The following HHIPL1 variants were observed in gnomAD, a reference collection of about 807,000 sequenced individuals.
The protein encoded by HHIPL1 is HHIP-like protein 1.
In HHIPL1, 43 loss-of-function variants were observed where a neutral mutation model predicts 61.8. That is an observed-to-expected ratio of 0.70 (90% CI 0.55 to 0.90). The LOEUF is 0.90. HHIPL1 is among the 40% of genes least tolerant of loss of function. The pLI is 0.00. For missense variants in HHIPL1, 1,056 were observed against 1,157.7 expected (o/e 0.91, Z 1.28); for synonymous variants, 482 against 515.8 (o/e 0.93, Z 0.89).
At chr14:99,667,163 T>C (rs1466947730) in intron 6 of HHIPL1, among the ~76,000 whole-genome samples, 1 of 152,102 alleles carries the variant, frequency 6.6e-6, no homozygotes, top group African/African-American at 2.4e-5. Context: ...GGCTGAACCC[T>C]CAGGATGAGC....
chr14:99,648,284 T>C (rs2055873137), intron 1 of HHIPL1, among the ~76,000 whole-genome samples: 1 of 152,174 alleles, frequency 6.6e-6, no homozygotes, highest in Admixed American at 6.5e-5. Flanking sequence ...AACACATACA[T>C]CTTCTCCATT....
the HHIPL1 span, among the ~76,000 whole-genome samples, chr14:99,633,975 G>A: frequency 3.9e-5 from 6 of 152,238 alleles, no homozygotes; most frequent in Non-Finnish European, 7.3e-5. Flanking sequence ...ATGCAGGGCT[G>A]TAGCCCAGGG....
At chr14:99,656,782 A>AAAGAAAGAAAG (rs2056035853) in intron 2 of HHIPL1, among the ~76,000 whole-genome samples, 1 of 476 alleles carries the variant, frequency 2.1e-3, no homozygotes, top group East Asian at 0.25. Flanking sequence ...CTGCAAAAAG[A>AAAGAAAGAAAG]AAAGAAAAGA....
In HHIPL1 at chr14:99,663,014, C is replaced by A. The variant is rs149752348; in HGVS notation, c.1641C>A (p.Asp547Glu). 6.2e-7 allele frequency: 1 copy of A among 1,605,426 alleles called. No individual in the cohort carries two copies. The highest frequency in any genetic ancestry group is 1.1e-5 in the South Asian group (1 of 88,830). The change falls in exon 6 of 9, where the codon GAC (aspartate) becomes GAA (glutamate). Residue 547 changes from aspartate (D) to glutamate (E), a missense_variant. Physicochemically the swap from Asp to Glu is conservative, Grantham distance 45. Transcript: ENST00000330710. ...YYPYIISFGE[D>E]EAGELYFMST... is the part of the protein sequence containing the mutation. Reference sequence around the variant, plus strand: ...CGTACATCATCTCCTTCGGGGAGGACGAGGCCGGTGAGCACTCCTGAGACC... The same window carrying A: ...CGTACATCATCTCCTTCGGGGAGGAAGAGGCCGGTGAGCACTCCTGAGACC...
At position 99,668,346 on chromosome 14, in the gene HHIPL1, A is replaced by T; in HGVS notation, c.1730+43A>T. The T allele has an allele frequency of 8.4e-7, 1 of 1,191,512 alleles. No individual in the cohort carries two copies. Among genetic ancestry groups the T allele is most frequent in the Non-Finnish European group, 1.3e-6 (1 of 795,180 alleles). 73.8% of individuals were successfully genotyped at this position (1,191,512 alleles called of 1,614,324 possible). ...GGACAGGGAGCTCCTGCTGTCTGTC[A>T]GGCCTCTTAGCTCCACGGGCTTGTC... is the stretch of plus-strand genomic sequence containing the variant. On this transcript the variant is annotated intron_variant, in intron 7 of 8. Transcript: ENST00000330710. The surrounding 1 kb of genome is among the most constrained non-coding windows in gnomAD (Gnocchi z 4.7).
intron 7 of HHIPL1, chr14:99,669,205 C>T: frequency 8.1e-7 from 1 of 1,230,772 alleles, no homozygotes; most frequent in Non-Finnish European, 1.0e-6. Context: ...GCAGAGGCCG[C>T]CCAGGTGCTG....
rs1490827018 is a variant in HHIPL1, at chr14:99,675,312, G to A, written c.2035G>A (p.Ala679Thr). 1 of 1,351,534 alleles carries A rather than the reference G, an allele frequency of 7.4e-7. No homozygotes were observed. 83.7% of individuals were successfully genotyped at this position (1,351,534 alleles called of 1,614,324 possible). ...TGGCGAGGTGCGCCTGGTGCGGCCC[G>A]CGGGCCTGAGCTCTGGCAGCGGGCG... ...RDGEVRLVRP[A>T]GLSSGSGRVE... Residue 679 changes from alanine (A) to threonine (T), a missense_variant, in exon 9 of 9, where the codon GCG becomes ACG. Ala to Thr is a moderately conservative substitution (Grantham distance 58, BLOSUM62 0). Transcript: ENST00000330710. The surrounding 1 kb of genome is among the most constrained non-coding windows in gnomAD (Gnocchi z 5.4).
chr14:99,646,541 A>G (rs1410864266), intron 1 of HHIPL1, among the ~76,000 whole-genome samples: 2 of 152,148 alleles, frequency 1.3e-5, no homozygotes, highest in African/African-American at 4.8e-5. Flanking sequence ...TTGGGAGGCC[A>G]AGGTGGGCAG....
the HHIPL1 span, among the ~76,000 whole-genome samples, chr14:99,631,858 C>T: frequency 6.6e-6 from 1 of 152,226 alleles, no homozygotes; most frequent in Non-Finnish European, 1.5e-5. Context: ...TGGGCCTTGA[C>T]TGTCCTACTG....
At chr14:99,604,893 C>T in the HHIPL1 span, among the ~76,000 whole-genome samples, 1 of 152,152 alleles carries the variant, frequency 6.6e-6, no homozygotes, top group Non-Finnish European at 1.5e-5. Flanking sequence ...CTTCCCTGCC[C>T]CCAGGCTCCT....
the HHIPL1 span, among the ~76,000 whole-genome samples, chr14:99,611,056 G>C: frequency 1.3e-5 from 2 of 152,142 alleles, no homozygotes; most frequent in Non-Finnish European, 2.9e-5. Context: ...AATTGCCCTT[G>C]GCTAAGAACT....
intron 1 of HHIPL1, 36 bp downstream of exon 1, chr14:99,645,498 GC>G (rs2055817855): frequency 7.9e-7 from 1 of 1,259,556 alleles, no homozygotes. Context: ...GGGGCGGGGC[GC>G]GGGAGGCCGA....
intron 5 of HHIPL1, among the ~76,000 whole-genome samples, chr14:99,662,042 T>C (rs975530427): frequency 1.6e-4 from 24 of 152,158 alleles, no homozygotes; most frequent in African/African-American, 4.3e-4. Context: ...CCTTTCTCCC[T>C]TCTGTCCTTC....
Position 99,660,129 on chromosome 14 carries a change from GCCA to G in HHIPL1, c.1376-150_1376-148del. On this transcript the variant is annotated intron_variant, in intron 4 of 8. Coordinates refer to ENST00000330710, the MANE Select transcript of HHIPL1 (RefSeq NM_001127258.3). The surrounding 1 kb of genome is among the most constrained non-coding windows in gnomAD (Gnocchi z 4.9). ...CCCCTGCAGACACGCTTTCCACCAC[GCCA>G]GCCCTGCTGTGGGCACGCCAGCCCT... 1.5e-6 allele frequency: 1 copy of G among 671,334 alleles called. No homozygotes were observed. 41.6% of individuals were successfully genotyped at this position (671,334 alleles called of 1,614,324 possible).
At chr14:99,605,796 A>T in the HHIPL1 span, among the ~76,000 whole-genome samples, 1 of 152,168 alleles carries the variant, frequency 6.6e-6, no homozygotes, top group South Asian at 2.1e-4. Context: ...TACAAAGATA[A>T]GGGGAAGGGC....
At chr14:99,628,365 A>C in the HHIPL1 span, among the ~76,000 whole-genome samples, 1 of 152,148 alleles carries the variant, frequency 6.6e-6, no homozygotes, top group South Asian at 2.1e-4. Context: ...GAATCACCTG[A>C]GGTCAGGAGT....
intron 2 of HHIPL1, among the ~76,000 whole-genome samples, chr14:99,655,151 A>C (rs372098923): frequency 1.3e-5 from 2 of 152,286 alleles, no homozygotes; most frequent in East Asian, 3.9e-4. Flanking sequence ...TGGATGACCG[A>C]AAGTCTGAGC....
At chr14:99,623,178 C>T in the HHIPL1 span, among the ~76,000 whole-genome samples, 4 of 152,186 alleles carry the variant, frequency 2.6e-5, no homozygotes, top group African/African-American at 9.7e-5. Flanking sequence ...CCTGCCAGCT[C>T]GGGCTTTTAT....
the HHIPL1 span, among the ~76,000 whole-genome samples, chr14:99,616,197 G>C: frequency 6.6e-6 from 1 of 152,178 alleles, no homozygotes; most frequent in South Asian, 2.1e-4. Context: ...ACGATATTCA[G>C]TACAGGTACA....
Sources: gnomAD v4.1 joint callset for allele counts (sites outside exome capture counted in the v4.1 genomes callset) on GRCh38, gnomAD v4.1.1 for gene constraint, Gnocchi (gnomAD v3.1) non-coding constraint, MANE v1.5 for transcripts, NCBI Gene and HGNC (gene_info 2026-07-23, HGNC 2026-07-21) for gene names.